SLC7A2: variants seen among roughly 807,000 people sequenced by gnomAD.
SLC7A2 encodes the protein solute carrier family 7 member 2.
Under a neutral mutation model 58.9 loss-of-function variants are expected in SLC7A2, and 48 were observed. That is an observed-to-expected ratio of 0.82 (90% CI 0.65 to 1.04). The LOEUF (loss-of-function observed/expected upper bound fraction) is 1.04. SLC7A2 is among the 50% of genes least tolerant of loss of function. The pLI is 0.00. For missense variants in SLC7A2, 1,029 were observed against 818.8 expected, an observed-to-expected ratio of 1.26 and a Z score of -3.13; for synonymous variants, 363 against 314.5, an observed-to-expected ratio of 1.15 and a Z score of -1.63.
intron 2 of SLC7A2, among the ~76,000 whole-genome samples, chr8:17,530,279 A>G (rs185417075): frequency 1.3e-5 from 2 of 152,346 alleles, no homozygotes; most frequent in Non-Finnish European, 2.9e-5. Flanking sequence ...GTGTCCCTGC[A>G]GTAGCTCGGA....
chr8:17,536,601 A>T (rs941471152), intron 2 of SLC7A2, among the ~76,000 whole-genome samples: 4 of 152,148 alleles, frequency 2.6e-5, no homozygotes, highest in African/African-American at 9.7e-5. Context: ...TTTCAAGGAG[A>T]GAGTATATAC....
At chr8:17,556,409 A>G (rs763462047) in intron 8 of SLC7A2, among the ~76,000 whole-genome samples, 2 of 152,140 alleles carry the variant, frequency 1.3e-5, no homozygotes, top group Non-Finnish European at 2.9e-5. Context: ...AAAAGAAGAT[A>G]ATTATAATAG....
upstream of SLC7A2, among the ~76,000 whole-genome samples, chr8:17,496,716 G>T (rs2588199): frequency 6.6e-6 from 1 of 152,152 alleles, no homozygotes; most frequent in African/African-American, 2.4e-5. Context: ...CAAAATCTTT[G>T]TAGAATGGAA....
intron 2 of SLC7A2, among the ~76,000 whole-genome samples, chr8:17,518,958 C>T: frequency 6.6e-6 from 1 of 152,082 alleles, no homozygotes; most frequent in East Asian, 1.9e-4. Context: ...CTCCCTGTGT[C>T]CTCAGTTGGT....
At chr8:17,512,377 T>C (rs1800640697) in intron 2 of SLC7A2, among the ~76,000 whole-genome samples, 1 of 152,160 alleles carries the variant, frequency 6.6e-6, no homozygotes, top group African/African-American at 2.4e-5. Context: ...TGAAGCCCTA[T>C]GTCTGCTAAA....
intron 2 of SLC7A2, among the ~76,000 whole-genome samples, chr8:17,516,514 G>T (rs150574489): frequency 1.3e-5 from 2 of 152,182 alleles, no homozygotes; most frequent in East Asian, 3.9e-4. Flanking sequence ...GTGAGCCACC[G>T]CACCTGGCCT....
chr8:17,532,448 C>T (rs7016165), intron 2 of SLC7A2, among the ~76,000 whole-genome samples: 3 of 151,988 alleles, frequency 2.0e-5, no homozygotes, highest in Admixed American at 6.6e-5. Context: ...GGCCAGTTTA[C>T]TTGTCCTTTT....
At chr8:17,506,772 G>A (rs1166222596) in intron 2 of SLC7A2, among the ~76,000 whole-genome samples, 1 of 145,530 alleles carries the variant, frequency 6.9e-6, no homozygotes, top group Non-Finnish European at 1.5e-5. Flanking sequence ...TTTTTTTTGA[G>A]ACAGACTCTT....
intron 8 of SLC7A2, 35 bp downstream of exon 8, chr8:17,554,734 G>T (rs200478858): frequency 1.7e-5 from 27 of 1,582,804 alleles, no homozygotes; most frequent in Non-Finnish European, 2.2e-5. Flanking sequence ...AGAAACGGGG[G>T]ATCTTTTTCA....
chr8:17,549,518 C>A (rs1802345776), intron 5 of SLC7A2, among the ~76,000 whole-genome samples: 1 of 152,188 alleles, frequency 6.6e-6, no homozygotes, highest in South Asian at 2.1e-4. Flanking sequence ...TTCCCCCCAG[C>A]AGTTTGCCAC....
chr8:17,524,421 T>C lies in SLC7A2; in HGVS notation c.-22-18897T>C, dbSNP rs201879678. On this transcript the variant is annotated intron_variant, in intron 2 of 12. Transcript: ENST00000494857. ...ATATACATATATGTGTGTGTGTGTG[T>C]ACACACACACACACACACACACACA... 1.2e-3 allele frequency among the ~76,000 whole-genome samples: 158 copies of C among 135,090 alleles called. 3 individuals carry two copies. The South Asian group carries it at 0.025, about 21-fold the overall frequency. 88.6% of individuals were successfully genotyped at this position (135,090 alleles called of 152,430 possible).
intron 2 of SLC7A2, among the ~76,000 whole-genome samples, chr8:17,506,383 A>G (rs910343906): frequency 6.6e-6 from 1 of 152,220 alleles, no homozygotes; most frequent in Non-Finnish European, 1.5e-5. Context: ...TTATATCACT[A>G]TAAAAATGGT....
At chr8:17,521,121 T>G (rs940560407) in intron 2 of SLC7A2, among the ~76,000 whole-genome samples, 1 of 152,072 alleles carries the variant, frequency 6.6e-6, no homozygotes, top group African/African-American at 2.4e-5. Context: ...CTTCTACTAT[T>G]TTTTTTGGTA....
Position 17,555,173 on chromosome 8 carries a change from A to G in SLC7A2, c.1195+474A>G, listed in dbSNP as rs527745067. On this transcript the variant is annotated intron_variant, in intron 8 of 12. Transcript: ENST00000494857. ...TATAAAGAGGGTCTGCATGCTGTGC[A>G]TGTAAGTTAAAAAAAACAAAATCAC... is the stretch of plus-strand genomic sequence containing the variant. The G allele has an allele frequency of 1.2e-4, 137 of 1,187,484 alleles. 1 individual carries two copies. In the Admixed American group the frequency reaches 1.2e-3, roughly 11 times the overall value. 73.6% of individuals were successfully genotyped at this position (1,187,484 alleles called of 1,614,324 possible).
At chr8:17,544,693 T>G in intron 4 of SLC7A2, 87 bp downstream of exon 4, 1 of 1,151,560 alleles carries the variant, frequency 8.7e-7, no homozygotes, top group Non-Finnish European at 1.3e-6. Context: ...GGGGCCTGAG[T>G]TCCCAAGATG....
intron 2 of SLC7A2, among the ~76,000 whole-genome samples, chr8:17,509,560 C>G (rs947987031): frequency 6.6e-6 from 1 of 152,120 alleles, no homozygotes; most frequent in African/African-American, 2.4e-5. Context: ...CCCGCCTTGG[C>G]CTCCCAAAGT....
At chr8:17,536,786 G>T (rs530439271) in intron 2 of SLC7A2, among the ~76,000 whole-genome samples, 2 of 152,306 alleles carry the variant, frequency 1.3e-5, no homozygotes, top group South Asian at 2.1e-4. Flanking sequence ...GACAGTGGGA[G>T]TAGAGTGGGG....
At chr8:17,542,777 T>C (rs1410580820) in intron 2 of SLC7A2, among the ~76,000 whole-genome samples, 1 of 152,148 alleles carries the variant, frequency 6.6e-6, no homozygotes, top group East Asian at 1.9e-4. Context: ...TTGAAATATA[T>C]TTCTATCAAC....
At position 17,543,534 on chromosome 8, in the gene SLC7A2, C is replaced by A; in HGVS notation, c.195C>A (p.Gly65=). 2 of 1,612,814 alleles carry A rather than the reference C, an allele frequency of 1.2e-6. No homozygotes were observed. Among genetic ancestry groups the A allele is most frequent in the Non-Finnish European group, 1.7e-6 (2 of 1,179,334 alleles). ...GGGAGGTGGCCAAGGCAGACTCGGG[C>A]CCCAGCATCGTGGTGTCCTTCCTCA... ...LAGEVAKADS[G]PSIVVSFLIA... The change falls in exon 3 of 13, where the codon GGC becomes GGA. Residue 65 remains glycine, a synonymous_variant. Coordinates refer to ENST00000494857, the MANE Select transcript of SLC7A2 (RefSeq NM_001370338.1).
Sources: gnomAD v4.1 joint callset for allele counts (sites outside exome capture counted in the v4.1 genomes callset) on GRCh38, gnomAD v4.1.1 for gene constraint, MANE v1.5 for transcripts, NCBI Gene and HGNC (gene_info 2026-07-23, HGNC 2026-07-21) for gene names.